ANO1: variants seen among roughly 807,000 people sequenced by gnomAD.
ANO1 encodes the protein anoctamin-1.
A neutral mutation model predicts 124.0 loss-of-function variants in ANO1; 59 were observed. The observed-to-expected ratio is 0.48, with a 90% CI of 0.39 to 0.59. ANO1 has a LOEUF of 0.59. Among genes scored for constraint, ANO1 ranks in the 20% least tolerant of loss-of-function variants. The pLI is 0.00. For synonymous variants in ANO1, 529 were observed against 532.0 expected (o/e 0.99, Z 0.08); for missense variants, 1,059 against 1,328.0 (o/e 0.80, Z 3.15).
At chr11:70,100,228 G>T (rs1209761521) in intron 2 of ANO1, among the ~76,000 whole-genome samples, 1 of 152,238 alleles carries the variant, frequency 6.6e-6, no homozygotes, top group African/African-American at 2.4e-5. Context: ...TGCAGCTTCA[G>T]GGTGGGAGCA....
intron 22 of ANO1, among the ~76,000 whole-genome samples, chr11:70,173,649 G>A (rs1223013252): frequency 1.3e-5 from 2 of 152,232 alleles, no homozygotes; most frequent in Non-Finnish European, 2.9e-5. Context: ...GCCAGAGAGT[G>A]AACGTTTTAG....
upstream of ANO1, among the ~76,000 whole-genome samples, chr11:69,982,938 T>C (rs1554996402): frequency 6.6e-6 from 1 of 152,022 alleles, no homozygotes; most frequent in Non-Finnish European, 1.5e-5. Flanking sequence ...TGAGTGACAG[T>C]GGGGGCAGGG....
At chr11:70,105,930 G>C (rs933051983) in intron 5 of ANO1, 142 bp downstream of exon 5, 2 of 949,924 alleles carry the variant, frequency 2.1e-6, no homozygotes, top group African/African-American at 3.3e-5. Flanking sequence ...TAATGAAAGG[G>C]AGAGGGCAAC....
intron 11 of ANO1, among the ~76,000 whole-genome samples, chr11:70,143,704 G>A (rs1014925423): frequency 1.3e-5 from 2 of 152,118 alleles, no homozygotes; most frequent in East Asian, 1.9e-4. Context: ...ATTGCCCCCC[G>A]CCACAGGTAA....
chr11:70,158,632 A>G (rs916743452), intron 16 of ANO1, among the ~76,000 whole-genome samples: 2 of 152,200 alleles, frequency 1.3e-5, no homozygotes, highest in African/African-American at 4.8e-5. Flanking sequence ...GAACTTGGAG[A>G]GACAGAGGCG....
At chr11:70,012,468 AT>A (rs113122467) in intron 1 of ANO1, among the ~76,000 whole-genome samples, 7 of 150,638 alleles carry the variant, frequency 4.6e-5, no homozygotes, top group African/African-American at 1.7e-4. Context: ...TTGTCCACAA[AT>A]TCATCTATCC....
intron 1 of ANO1, among the ~76,000 whole-genome samples, chr11:70,023,907 T>C (rs1856846907): frequency 6.6e-6 from 1 of 152,194 alleles, no homozygotes; most frequent in African/African-American, 2.4e-5. Context: ...TTTACCAAAG[T>C]CTTGTCGAGA....
intron 1 of ANO1, chr11:70,072,498 A>G (rs1208970514): frequency 6.6e-6 from 1 of 152,186 alleles, no homozygotes; most frequent in African/African-American, 2.4e-5. Context: ...AAGCGTCAGG[A>G]TTTCCTATAA....
chr11:69,977,624 C>T, the ANO1 span, among the ~76,000 whole-genome samples: 1 of 152,232 alleles, frequency 6.6e-6, no homozygotes, highest in Non-Finnish European at 1.5e-5. Context: ...GTGAGAGATC[C>T]AATGCGTCCT....
chr11:70,127,907 G>A (rs1414017665), intron 10 of ANO1, among the ~76,000 whole-genome samples: 2 of 152,240 alleles, frequency 1.3e-5, no homozygotes, highest in African/African-American at 4.8e-5. Context: ...GGGGAATTTG[G>A]GCTGACCCTG....
chr11:69,989,978 G>A (rs1856122218), intron 1 of ANO1, among the ~76,000 whole-genome samples: 1 of 152,144 alleles, frequency 6.6e-6, no homozygotes, highest in Admixed American at 6.5e-5. Flanking sequence ...GTTTAAAATT[G>A]TGTTAGATAT....
At chr11:69,976,680 G>A in the ANO1 span, among the ~76,000 whole-genome samples, 1,085 of 152,208 alleles carry the variant, frequency 7.1e-3, 14 homozygotes, top group African/African-American at 0.025. Flanking sequence ...GCCCTGCGAC[G>A]CCTTGATCTT....
At chr11:69,982,640 C>G (rs1748492086), upstream of ANO1, among the ~76,000 whole-genome samples, 1 of 152,194 alleles carries the variant, frequency 6.6e-6, no homozygotes, top group Admixed American at 6.5e-5. Flanking sequence ...ATGCACAAAC[C>G]CGGGTGCTGA....
At chr11:70,156,097 C>T (rs2047806648) in intron 15 of ANO1, 109 bp downstream of exon 15, 9 of 1,132,688 alleles carry the variant, frequency 7.9e-6, no homozygotes, top group East Asian at 3.2e-5. Flanking sequence ...TTAACATTCA[C>T]ATCCGTGTTT....
chr11:70,157,774 T>A (rs2047877282), intron 16 of ANO1, among the ~76,000 whole-genome samples: 1 of 152,108 alleles, frequency 6.6e-6, no homozygotes, highest in Non-Finnish European at 1.5e-5. Flanking sequence ...GGAAGATTGC[T>A]TGAGCTTAAG....
intron 12 of ANO1, among the ~76,000 whole-genome samples, chr11:70,150,513 C>T (rs1000781476): frequency 3.3e-5 from 5 of 152,284 alleles, no homozygotes; most frequent in Non-Finnish European, 7.3e-5. Context: ...ACCACACTGA[C>T]CACTATTTAA....
At chr11:70,076,382 A>G (rs1318394065), upstream of ANO1, among the ~76,000 whole-genome samples, 1 of 151,592 alleles carries the variant, frequency 6.6e-6, no homozygotes, top group African/African-American at 2.4e-5. Context: ...GTCACTTCCC[A>G]AACCTTTGGG....
intron 8 of ANO1, among the ~76,000 whole-genome samples, chr11:70,123,249 G>A (rs965379546): frequency 6.6e-6 from 1 of 152,304 alleles, no homozygotes; most frequent in Admixed American, 6.5e-5. Flanking sequence ...GTTTCGGGGG[G>A]CTGTGCAGCA....
intron 8 of ANO1, among the ~76,000 whole-genome samples, chr11:70,119,519 G>T (rs1392534738): frequency 6.6e-6 from 1 of 151,848 alleles, no homozygotes; most frequent in Non-Finnish European, 1.5e-5. Flanking sequence ...TGGGTGGGTG[G>T]ATGGATGGAT....
Sources: allele counts gnomAD v4.1 joint callset (sites outside exome capture counted in the v4.1 genomes callset), GRCh38; gene constraint gnomAD v4.1.1; transcripts MANE v1.5; gene names NCBI Gene and HGNC (gene_info 2026-07-23, HGNC 2026-07-21).